Variants in EYA2 observed in about 807,000 individuals in gnomAD.
The protein encoded by EYA2 is protein phosphatase EYA2.
EYA2 carries 31 observed loss-of-function variants against 69.2 expected under a neutral mutation model. The observed-to-expected ratio is 0.45, with a 90% CI of 0.34 to 0.60. The LOEUF (loss-of-function observed/expected upper bound fraction) is 0.60. Among genes scored for constraint, EYA2 ranks in the 20% least tolerant of loss-of-function variants. The pLI is 0.02. For synonymous variants in EYA2, 257 were observed against 279.4 expected (o/e 0.92, Z 0.80); for missense variants, 622 against 701.2 (o/e 0.89, Z 1.28).
At chr20:47,125,010 A>G (rs755721847) in intron 9 of EYA2, among the ~76,000 whole-genome samples, 13 of 150,752 alleles carry the variant, frequency 8.6e-5, no homozygotes, top group South Asian at 4.2e-4. Context: ...CTTGTGATTC[A>G]GCGATGATGG....
chr20:47,151,154 T>G (rs115385449), intron 10 of EYA2, among the ~76,000 whole-genome samples: 1,950 of 152,046 alleles, frequency 0.013, 89 homozygotes, highest in East Asian at 0.098. Flanking sequence ...GTGTATCACT[T>G]GAGGTCAGGA....
Position 47,151,461 on chromosome 20 carries a change from C to T in EYA2, c.978+8313C>T, listed in dbSNP as rs1361705581. Among the ~76,000 whole-genome samples, 3 of 151,894 alleles carry T rather than the reference C, an allele frequency of 2.0e-5. 1 individual carries two copies. The highest frequency in any genetic ancestry group is 3.9e-4 in the East Asian group (2 of 5,102). ...CTCCTACTCTTTTCATCATTTGCTCCACTCCAGATCCAATGGTCTTTTTTT... is the reference window on the plus strand; with the variant it reads ...CTCCTACTCTTTTCATCATTTGCTCTACTCCAGATCCAATGGTCTTTTTTT... On this transcript the variant is annotated intron_variant, in intron 10 of 15. Coordinates refer to ENST00000327619, the MANE Select transcript of EYA2 (RefSeq NM_005244.5).
intron 10 of EYA2, among the ~76,000 whole-genome samples, chr20:47,162,458 T>C (rs1051769619): frequency 6.6e-6 from 1 of 152,092 alleles, no homozygotes; most frequent in Admixed American, 6.5e-5. Flanking sequence ...TTTTTGTCTC[T>C]ATCTCACTGA....
chr20:47,181,472 A>G (rs1164566417), intron 14 of EYA2, among the ~76,000 whole-genome samples: 2 of 152,226 alleles, frequency 1.3e-5, no homozygotes, highest in Non-Finnish European at 2.9e-5. Flanking sequence ...TGTTAGCCCC[A>G]GCTTAGTCAC....
chr20:47,166,075 C>A (rs751406737), intron 10 of EYA2, among the ~76,000 whole-genome samples: 7 of 151,734 alleles, frequency 4.6e-5, no homozygotes, highest in Admixed American at 6.6e-5. Context: ...TCCCACCATC[C>A]CCCTGCAAAG....
chr20:46,970,300 A>G (rs1450802788), intron 1 of EYA2, among the ~76,000 whole-genome samples: 1 of 152,220 alleles, frequency 6.6e-6, no homozygotes, highest in Non-Finnish European at 1.5e-5. Flanking sequence ...TATAGAAATT[A>G]GGGTTTTCTG....
intron 1 of EYA2, among the ~76,000 whole-genome samples, chr20:46,945,391 C>G (rs545090538): frequency 1.3e-5 from 2 of 152,194 alleles, no homozygotes; most frequent in Non-Finnish European, 2.9e-5. Context: ...TGTGTTTAAC[C>G]AGCTCTAAAA....
intron 9 of EYA2, among the ~76,000 whole-genome samples, chr20:47,108,931 G>T (rs1287575949): frequency 6.6e-6 from 1 of 152,048 alleles, no homozygotes; most frequent in East Asian, 1.9e-4. Context: ...TGGAATCCTG[G>T]CGATGGGTGA....
intron 11 of EYA2, among the ~76,000 whole-genome samples, chr20:47,172,048 G>A (rs952711557): frequency 2.6e-5 from 4 of 151,850 alleles, no homozygotes; most frequent in African/African-American, 4.8e-5. Context: ...GCAGTGAGCC[G>A]AGATCATGCC....
intron 1 of EYA2, among the ~76,000 whole-genome samples, chr20:46,940,515 G>A (rs1040643287): frequency 1.3e-5 from 2 of 152,178 alleles, no homozygotes; most frequent in Non-Finnish European, 2.9e-5. Flanking sequence ...TGATAACAAC[G>A]ACGGCAGTTA....
chr20:47,107,796 A>G (rs2032635752), intron 9 of EYA2, among the ~76,000 whole-genome samples: 1 of 151,966 alleles, frequency 6.6e-6, no homozygotes, highest in Non-Finnish European at 1.5e-5. Context: ...AAGAGGAAGA[A>G]GGAAGGGAAG....
intron 5 of EYA2, among the ~76,000 whole-genome samples, chr20:47,044,310 A>G (rs571617420): frequency 3.5e-4 from 37 of 104,466 alleles, no homozygotes; most frequent in African/African-American, 1.3e-3. Flanking sequence ...TCTTAGACTT[A>G]CTCATTCATT....
At chr20:46,960,919 C>A (rs2146287756) in intron 1 of EYA2, among the ~76,000 whole-genome samples, 1 of 152,242 alleles carries the variant, frequency 6.6e-6, no homozygotes, top group East Asian at 1.9e-4. Context: ...TTTCTGCAGC[C>A]CCCAGAAAGC....
chr20:47,076,478 G>C (rs2031523017), intron 7 of EYA2, among the ~76,000 whole-genome samples: 1 of 152,032 alleles, frequency 6.6e-6, no homozygotes, highest in African/African-American at 2.4e-5. Flanking sequence ...TTTTTCATAT[G>C]CTTGTTGGCT....
At chr20:47,120,359 G>C (rs1297660404) in intron 9 of EYA2, among the ~76,000 whole-genome samples, 1 of 152,200 alleles carries the variant, frequency 6.6e-6, no homozygotes, top group Non-Finnish European at 1.5e-5. Flanking sequence ...CTGGGCAACA[G>C]AGTGAGACCC....
intron 7 of EYA2, among the ~76,000 whole-genome samples, chr20:47,085,953 A>T (rs2031881098): frequency 6.6e-6 from 1 of 152,070 alleles, no homozygotes; most frequent in Non-Finnish European, 1.5e-5. Context: ...TCAAAACTTA[A>T]GAAATTGTGT....
At chr20:47,153,491 A>C (rs2033863315) in intron 10 of EYA2, among the ~76,000 whole-genome samples, 1 of 151,828 alleles carries the variant, frequency 6.6e-6, no homozygotes, top group Admixed American at 6.6e-5. Context: ...AAATACAAAA[A>C]AAAACAAAAC....
At chr20:46,948,083 C>T (rs547561841) in intron 1 of EYA2, among the ~76,000 whole-genome samples, 1 of 139,960 alleles carries the variant, frequency 7.1e-6, no homozygotes, top group South Asian at 2.2e-4. Flanking sequence ...GCACTCCAGC[C>T]TGGGCAGCAG....
At chr20:47,094,761 G>C (rs549463566) in intron 8 of EYA2, among the ~76,000 whole-genome samples, 1 of 152,224 alleles carries the variant, frequency 6.6e-6, no homozygotes, top group African/African-American at 2.4e-5. Context: ...TTAGCCAGGC[G>C]TAGTGGCTCA....
Sources: gnomAD v4.1 joint callset for allele counts (sites outside exome capture counted in the v4.1 genomes callset) on GRCh38, gnomAD v4.1.1 for gene constraint, MANE v1.5 for transcripts, NCBI Gene and HGNC (gene_info 2026-07-23, HGNC 2026-07-21) for gene names.